The following CHD9 variants were observed in gnomAD, a reference collection of about 807,000 sequenced individuals.
CHD9 encodes the protein ATP-dependent chromatin remodeler CHD9.
CHD9 carries 77 observed loss-of-function variants against 316.1 expected under a neutral mutation model. The ratio of observed to expected loss-of-function variants is 0.24; its 90% CI spans 0.20 to 0.29. The LOEUF is 0.29. Among genes scored for constraint, CHD9 ranks in the 10% least tolerant of loss-of-function variants. The pLI is 1.00. For synonymous variants in CHD9, 1,129 were observed against 1,158.3 expected, an observed-to-expected ratio of 0.97 and a Z score of 0.51; for missense variants, 2,763 against 3,438.1, an observed-to-expected ratio of 0.80 and a Z score of 4.91.
At chr16:53,274,133 T>C in intron 23 of CHD9, 80 bp from the exon 24 acceptor site, 1 of 838,612 alleles carries the variant, frequency 1.2e-6, no homozygotes, top group Admixed American at 2.1e-5. Context: ...CACAAATTCC[T>C]TCCTAATTTT....
intron 2 of CHD9, among the ~76,000 whole-genome samples, chr16:53,199,438 T>C (rs2045242007): frequency 6.6e-6 from 1 of 152,242 alleles, no homozygotes; most frequent in Non-Finnish European, 1.5e-5. Context: ...CCTTTTGTTT[T>C]ACTTAAAGTC....
intron 1 of CHD9, among the ~76,000 whole-genome samples, chr16:53,101,278 T>C (rs1263290518): frequency 2.7e-5 from 4 of 149,610 alleles, no homozygotes; most frequent in Admixed American, 2.0e-4. Flanking sequence ...CTTTTCTTTT[T>C]TTTTTTTTTT....
chr16:53,241,478 TCCTAAA>T (rs1390178446), intron 12 of CHD9, among the ~76,000 whole-genome samples: 2 of 152,220 alleles, frequency 1.3e-5, no homozygotes, highest in African/African-American at 4.8e-5. Context: ...GTAAACTCTT[TCCTAAA>T]TTCCAGAGTC....
At chr16:53,138,970 G>T in intron 1 of CHD9, among the ~76,000 whole-genome samples, 1 of 152,178 alleles carries the variant, frequency 6.6e-6, no homozygotes, top group East Asian at 1.9e-4. Flanking sequence ...CAATTGCAAA[G>T]GGGCAGTTAA....
intron 2 of CHD9, chr16:53,208,447 AGTC>A (rs2046058946): frequency 1.7e-6 from 2 of 1,206,674 alleles, no homozygotes; most frequent in Non-Finnish European, 2.1e-6. Flanking sequence ...CTGCTACGGG[AGTC>A]GTACTGCATC....
chr16:53,174,940 G>T (rs1031121648), intron 2 of CHD9, among the ~76,000 whole-genome samples: 2 of 152,028 alleles, frequency 1.3e-5, no homozygotes, highest in African/African-American at 2.4e-5. Flanking sequence ...TTTTGTTCTG[G>T]GATGCAGTTA....
intron 1 of CHD9, among the ~76,000 whole-genome samples, chr16:53,146,415 G>GTATT (rs149684203): frequency 1.6e-5 from 1 of 64,478 alleles, no homozygotes; most frequent in Non-Finnish European, 2.9e-5. Flanking sequence ...GTGTGTGTGT[G>GTATT]TATGTATATA....
chr16:53,114,441 AGAGAC>A (rs2038114962), intron 1 of CHD9, among the ~76,000 whole-genome samples: 1 of 152,018 alleles, frequency 6.6e-6, no homozygotes, highest in Non-Finnish European at 1.5e-5. Flanking sequence ...TATTTTTAGT[AGAGAC>A]GAGGTTTTGC....
At chr16:53,171,830 C>CCACACA (rs71380026) in intron 2 of CHD9, among the ~76,000 whole-genome samples, 8 of 135,544 alleles carry the variant, frequency 5.9e-5, no homozygotes, top group East Asian at 2.2e-4. Flanking sequence ...ACAAACAAAA[C>CCACACA]CACACACACA....
intron 1 of CHD9, among the ~76,000 whole-genome samples, chr16:53,104,494 C>T (rs997489802): frequency 6.6e-6 from 1 of 152,122 alleles, no homozygotes; most frequent in African/African-American, 2.4e-5. Flanking sequence ...GAAAACAATT[C>T]AAACCTACAG....
At chr16:53,207,222 A>C (rs913916792) in intron 2 of CHD9, among the ~76,000 whole-genome samples, 3 of 152,246 alleles carry the variant, frequency 2.0e-5, no homozygotes, top group African/African-American at 7.2e-5. Flanking sequence ...TAGTGATTTA[A>C]GGGCATTGCT....
chr16:53,133,099 A>G (rs2039453066), intron 1 of CHD9, among the ~76,000 whole-genome samples: 1 of 152,306 alleles, frequency 6.6e-6, no homozygotes. Flanking sequence ...TGAAGTCTGT[A>G]TTACAGACCT....
chr16:53,087,007 G>A (rs1029633730), intron 1 of CHD9, among the ~76,000 whole-genome samples: 5 of 152,036 alleles, frequency 3.3e-5, no homozygotes, highest in African/African-American at 9.7e-5. Context: ...CATGCACCTG[G>A]TGCCCTAAAC....
rs2057575075 is a variant in CHD9, at chr16:53,327,250, A to C, written c.*2355A>C. 6.6e-6 allele frequency: 1 copy of C among 152,510 alleles called. No homozygotes were observed. Among genetic ancestry groups the C allele is most frequent in the Non-Finnish European group, 1.5e-5 (1 of 67,956 alleles). The allele number at this position is 152,510 out of a possible 1,614,324, so 9.4% of individuals were successfully genotyped here. A position where few individuals can be genotyped will look rare whatever the true frequency, so the allele number is the denominator to read the frequency against. On this transcript the variant is annotated 3_prime_UTR_variant, in exon 39 of 39. Coordinates refer to ENST00000447540, the MANE Select transcript of CHD9 (RefSeq NM_001308319.2). Reference sequence around the variant, plus strand: ...AGTATGTGTTGGTAGTTACTAAAAGAATTATAGCTGTTATTGCCTTGTATT... The same window carrying C: ...AGTATGTGTTGGTAGTTACTAAAAGCATTATAGCTGTTATTGCCTTGTATT...
chr16:53,225,958 T>C (rs1416641968), intron 4 of CHD9, among the ~76,000 whole-genome samples: 3 of 152,060 alleles, frequency 2.0e-5, no homozygotes, highest in Non-Finnish European at 4.4e-5. Flanking sequence ...AGTTATGACA[T>C]AGTTAAATAA....
rs948012143 is a variant in CHD9, at chr16:53,155,913, C to T, written c.-164-13C>T. 1.7e-6 allele frequency: 1 copy of T among 587,312 alleles called. No individual in the cohort carries two copies. Among genetic ancestry groups the T allele is most frequent in the East Asian group, 2.9e-5 (1 of 34,120 alleles). The allele number at this position is 587,312 out of a possible 1,614,324, so 36.4% of individuals were successfully genotyped here. On this transcript the variant is annotated splice_polypyrimidine_tract_variant and intron_variant, in intron 1 of 38. Transcript: ENST00000447540. The stretch of plus-strand genomic sequence containing the variant: ...TTAATTTCTCTTTATTGTTTTTGTT[C>T]CTTTTTTTCTAGGATTTTGACACTT...
In CHD9 at chr16:53,304,683, C is replaced by G. The variant is rs878962942; in HGVS notation, c.6619+58C>G. The G allele has an allele frequency of 1.3e-5, 14 of 1,053,558 alleles. No homozygotes were observed. In the East Asian group the frequency reaches 3.5e-4, roughly 27 times the overall value. 65.3% of individuals were successfully genotyped at this position (1,053,558 alleles called of 1,614,324 possible). A position where few individuals can be genotyped will look rare whatever the true frequency, so the allele number is the denominator to read the frequency against. On this transcript the variant is annotated intron_variant, in intron 31 of 38. Coordinates refer to ENST00000447540, the MANE Select transcript of CHD9 (RefSeq NM_001308319.2). ...CATAACTTTTCTTTTCTTTTCTTTT[C>G]TTTTCTTTTCTTTTTTTTTTTTTTT... is the stretch of plus-strand genomic sequence containing the variant.
At chr16:53,175,477 T>C (rs1286884197) in intron 2 of CHD9, among the ~76,000 whole-genome samples, 1 of 152,214 alleles carries the variant, frequency 6.6e-6, no homozygotes, top group Non-Finnish European at 1.5e-5. Flanking sequence ...TTTTGCCTTG[T>C]TTTTCAGTTG....
At chr16:53,263,552 C>T (rs961287773) in intron 20 of CHD9, among the ~76,000 whole-genome samples, 25 of 152,142 alleles carry the variant, frequency 1.6e-4, no homozygotes, top group African/African-American at 6.0e-4. Context: ...CTAAAATTCA[C>T]TTTATGGAAC....
Sources: gnomAD v4.1 joint callset for allele counts (sites outside exome capture counted in the v4.1 genomes callset) on GRCh38, gnomAD v4.1.1 for gene constraint, MANE v1.5 for transcripts, NCBI Gene and HGNC (gene_info 2026-07-23, HGNC 2026-07-21) for gene names.